PGPEP1: variants seen among roughly 807,000 people sequenced by gnomAD.
PGPEP1 encodes the protein pyroglutamyl-peptidase 1.
A neutral mutation model predicts 24.1 loss-of-function variants in PGPEP1; 15 were observed. The ratio of observed to expected loss-of-function variants is 0.62; its 90% CI spans 0.42 to 0.96. The LOEUF is 0.96. Ranked by LOEUF, PGPEP1 falls within the 40% of genes least tolerant of loss-of-function variation. PGPEP1 has a pLI of 0.00. For missense variants in PGPEP1, 242 were observed against 273.4 expected (o/e 0.89, Z 0.81); for synonymous variants, 122 against 116.4 (o/e 1.05, Z -0.31).
In PGPEP1 at chr19:18,340,722, T is replaced by G; in HGVS notation, c.34+7T>G. 1 of 1,518,174 alleles carries G rather than the reference T, an allele frequency of 6.6e-7. No homozygotes were observed. Among genetic ancestry groups the G allele is most frequent in the East Asian group, 2.7e-5 (1 of 36,888 alleles). The allele number at this position is 1,518,174 out of a possible 1,614,324, so 94.0% of individuals were successfully genotyped here. A position where few individuals can be genotyped will look rare whatever the true frequency, so the allele number is the denominator to read the frequency against. ...AAGGCGGTGGTAGTGACGGGTACGCTGGCTGATGGGGGCTGTAGCGGCAGC... is the reference window on the plus strand; with the variant it reads ...AAGGCGGTGGTAGTGACGGGTACGCGGGCTGATGGGGGCTGTAGCGGCAGC... On this transcript the variant is annotated splice_region_variant and intron_variant, in intron 1 of 4. Transcript: ENST00000269919.
At chr19:18,341,222 C>A (rs1970662829) in intron 1 of PGPEP1, among the ~76,000 whole-genome samples, 1 of 152,096 alleles carries the variant, frequency 6.6e-6, no homozygotes, top group Non-Finnish European at 1.5e-5. Flanking sequence ...GCTACTCTCC[C>A]AAGGCAGGGG....
At chr19:18,348,278 C>T (rs910559781) in intron 2 of PGPEP1, among the ~76,000 whole-genome samples, 5 of 152,118 alleles carry the variant, frequency 3.3e-5, no homozygotes, top group Admixed American at 2.6e-4. Flanking sequence ...ACCCGGGTCA[C>T]AGAACTTGGT....
rs1555713578 is a variant in PGPEP1 at position 18,364,103 on chromosome 19, T to TCTTTCTTTCTTTCTTTCTTTCTTGCTTG, written c.*531_*532insTCTTTCTTTCTTGCTTGCTTTCTTTCTT. ...GGCTGGCTTTCTTTCTTTCTTTCTT[T>TCTTTCTTTCTTTCTTTCTTTCTTGCTTG]CTTTCTTTCTTGCTTTCTTTCTTTC... On this transcript the variant is annotated 3_prime_UTR_variant, in exon 5 of 5. Coordinates refer to ENST00000269919, the MANE Select transcript of PGPEP1 (RefSeq NM_017712.4). 1 of 134,978 alleles carries TCTTTCTTTCTTTCTTTCTTTCTTGCTTG rather than the reference T, an allele frequency of 7.4e-6. No individual in the cohort carries two copies. The highest frequency in any genetic ancestry group is 3.2e-5 in the African/African-American group (1 of 31,360). 8.4% of individuals were successfully genotyped at this position (134,978 alleles called of 1,614,324 possible).
intron 2 of PGPEP1, among the ~76,000 whole-genome samples, chr19:18,350,087 C>T (rs1293227827): frequency 2.6e-5 from 4 of 151,990 alleles, no homozygotes; most frequent in African/African-American, 9.7e-5. Flanking sequence ...GTGGTGTGAT[C>T]TTGGCTCACT....
intron 2 of PGPEP1, among the ~76,000 whole-genome samples, chr19:18,344,754 G>T: frequency 6.6e-6 from 1 of 152,150 alleles, no homozygotes; most frequent in East Asian, 1.9e-4. Context: ...GTCAGGCTTT[G>T]TGCACATTTC....
intron 2 of PGPEP1, among the ~76,000 whole-genome samples, chr19:18,347,096 G>A (rs553359082): frequency 6.8e-5 from 10 of 146,292 alleles, no homozygotes; most frequent in South Asian, 2.2e-4. Flanking sequence ...TCACTCTGTC[G>A]TCCAGACTGG....
chr19:18,360,184 T>G (rs1427645178), intron 4 of PGPEP1, among the ~76,000 whole-genome samples: 1 of 151,948 alleles, frequency 6.6e-6, no homozygotes, highest in African/African-American at 2.4e-5. Context: ...TTGTATTTTT[T>G]GTAGAGATAG....
Position 18,363,807 on chromosome 19 carries a change from C to T in PGPEP1, c.*224C>T, listed in dbSNP as rs1327709382. The T allele has an allele frequency of 1.1e-5, 5 of 443,844 alleles. No homozygotes were observed. The highest frequency in any genetic ancestry group is 2.0e-5 in the African/African-American group (1 of 51,062). The allele number at this position is 443,844 out of a possible 1,614,324, so 27.5% of individuals were successfully genotyped here. On this transcript the variant is annotated 3_prime_UTR_variant, in exon 5 of 5. Coordinates refer to ENST00000269919, the MANE Select transcript of PGPEP1 (RefSeq NM_017712.4). ...TTTTCTCCCATTTTCCTCCCTGCATCTGGGGACACAGCTGCCGTGACCAGG... is the reference window on the plus strand; with the variant it reads ...TTTTCTCCCATTTTCCTCCCTGCATTTGGGGACACAGCTGCCGTGACCAGG...
At position 18,369,685 on chromosome 19, in the gene PGPEP1, T is replaced by G. The variant is rs1971652205; in HGVS notation, c.*6102T>G. The G allele has an allele frequency of 6.6e-6, 1 of 152,098 alleles. No homozygotes were observed. The highest frequency in any genetic ancestry group is 2.4e-5 in the African/African-American group (1 of 41,446). The allele number at this position is 152,098 out of a possible 1,614,324, so 9.4% of individuals were successfully genotyped here. On this transcript the variant is annotated 3_prime_UTR_variant, in exon 5 of 5. Coordinates refer to ENST00000269919, the MANE Select transcript of PGPEP1 (RefSeq NM_017712.4). ...TCCTCTAACATCTCAGGTTTTTATC[T>G]TGTCTTAAATTTCTTTCTAGGAAAA...
At chr19:18,358,807 G>A (rs1971264188) in intron 4 of PGPEP1, among the ~76,000 whole-genome samples, 1 of 150,456 alleles carries the variant, frequency 6.6e-6, no homozygotes, top group Admixed American at 6.7e-5. Flanking sequence ...GTAGAGATGG[G>A]GTTTCACCAT....
intron 4 of PGPEP1, among the ~76,000 whole-genome samples, chr19:18,359,508 C>CTTTTT (rs34626308): frequency 7.9e-6 from 1 of 126,066 alleles, no homozygotes. Context: ...TCTTTCCAGT[C>CTTTTT]TTTTTTTTTT....
At chr19:18,350,760 T>G (rs1970997022) in intron 2 of PGPEP1, among the ~76,000 whole-genome samples, 1 of 152,058 alleles carries the variant, frequency 6.6e-6, no homozygotes, top group Admixed American at 6.6e-5. Flanking sequence ...GCAAACAGAG[T>G]TGCAGGATAA....
chr19:18,348,599 G>A lies in PGPEP1; in HGVS notation c.87+5688G>A, dbSNP rs542513535. Among the ~76,000 whole-genome samples the A allele has an allele frequency of 2.0e-4, 30 of 152,252 alleles. 1 individual carries two copies. Among genetic ancestry groups the A allele is most frequent in the Middle Eastern group, 3.4e-3 (1 of 294 alleles). On this transcript the variant is annotated intron_variant, in intron 2 of 4. Coordinates refer to ENST00000269919, the MANE Select transcript of PGPEP1 (RefSeq NM_017712.4). Reference sequence around the variant, plus strand: ...CCTTTTGGAACAGAGCGTGTTCAGAGGCTAAGACTTCAGCCAGATTACCAG... The same window carrying A: ...CCTTTTGGAACAGAGCGTGTTCAGAAGCTAAGACTTCAGCCAGATTACCAG...
At chr19:18,358,467 T>G (rs1971253122) in intron 4 of PGPEP1, among the ~76,000 whole-genome samples, 1 of 151,600 alleles carries the variant, frequency 6.6e-6, no homozygotes, top group Non-Finnish European at 1.5e-5. Context: ...TCCACGTTGG[T>G]CAGGCTGGTC....
rs1270403562 is a variant in PGPEP1, at chr19:18,364,439, C to A, written c.*856C>A. The A allele has an allele frequency of 6.6e-6, 1 of 152,010 alleles. No individual in the cohort carries two copies. The highest frequency in any genetic ancestry group is 1.5e-5 in the Non-Finnish European group (1 of 68,070). 9.4% of individuals were successfully genotyped at this position (152,010 alleles called of 1,614,324 possible). On this transcript the variant is annotated 3_prime_UTR_variant, in exon 5 of 5. Coordinates refer to ENST00000269919, the MANE Select transcript of PGPEP1 (RefSeq NM_017712.4). ...GATCAGCCTGGCCAACATGGTGAAA[C>A]CCTGCCTCTACTAAAAATACAAAAA...
chr19:18,367,279 TG>T lies in PGPEP1; in HGVS notation c.*3699del, dbSNP rs1971579570. 6.7e-6 allele frequency: 1 copy of T among 148,528 alleles called. No homozygotes were observed. Among genetic ancestry groups the T allele is most frequent in the East Asian group, 2.0e-4 (1 of 5,050 alleles). The allele number at this position is 148,528 out of a possible 1,614,324, so 9.2% of individuals were successfully genotyped here. On this transcript the variant is annotated 3_prime_UTR_variant, in exon 5 of 5. Coordinates refer to ENST00000269919, the MANE Select transcript of PGPEP1 (RefSeq NM_017712.4). Reference sequence around the variant, plus strand: ...GCATAGGAAGGGTCTGCAAGGTGGGTGGGACTTGGCAGGTGTTGGGAAGAGG... The same window carrying T: ...GCATAGGAAGGGTCTGCAAGGTGGGTGGACTTGGCAGGTGTTGGGAAGAGG...
intron 3 of PGPEP1, 52 bp downstream of exon 3, chr19:18,356,063 C>CTTA (rs1971178094): frequency 8.9e-7 from 1 of 1,120,302 alleles, no homozygotes; most frequent in Admixed American, 1.7e-5. Context: ...CAGGTTGGCA[C>CTTA]CCTTCATGTG....
intron 4 of PGPEP1, 167 bp downstream of exon 4, chr19:18,357,782 T>C: frequency 1.6e-6 from 1 of 612,110 alleles, no homozygotes. Context: ...TTGGTTCTGC[T>C]CCTGGGACTC....
chr19:18,359,717 A>G (rs956707808), intron 4 of PGPEP1, among the ~76,000 whole-genome samples: 4 of 151,894 alleles, frequency 2.6e-5, no homozygotes, highest in Admixed American at 6.6e-5. Flanking sequence ...CATATTGGCC[A>G]CACCAGGGTG....
Sources: gnomAD v4.1 joint callset for allele counts (sites outside exome capture counted in the v4.1 genomes callset) on GRCh38, gnomAD v4.1.1 for gene constraint, MANE v1.5 for transcripts, NCBI Gene and HGNC (gene_info 2026-07-23, HGNC 2026-07-21) for gene names.